Variants in ROBO2 observed in about 807,000 individuals in gnomAD.
The protein encoded by ROBO2 is roundabout homolog 2.
A neutral mutation model predicts 160.8 loss-of-function variants in ROBO2; 53 were observed. That is an observed-to-expected ratio of 0.33 (90% CI 0.26 to 0.41). The LOEUF (loss-of-function observed/expected upper bound fraction) is 0.41. Among genes scored for constraint, ROBO2 ranks in the 10% least tolerant of loss-of-function variants. ROBO2 has a pLI of 1.00. For missense variants in ROBO2, 1,577 were observed against 1,722.4 expected (o/e 0.92, Z 1.49); for synonymous variants, 664 against 611.7 (o/e 1.09, Z -1.26).
intron 2 of ROBO2, among the ~76,000 whole-genome samples, chr3:77,134,038 C>T (rs1355097390): frequency 1.3e-5 from 2 of 151,904 alleles, no homozygotes; most frequent in Non-Finnish European, 2.9e-5. Context: ...TAGCCAGGTG[C>T]GGTGGCACAT....
intron 2 of ROBO2, among the ~76,000 whole-genome samples, chr3:76,293,262 C>T (rs527876633): frequency 1.3e-5 from 2 of 152,176 alleles, no homozygotes; most frequent in South Asian, 4.1e-4. Context: ...GAAAGAATGC[C>T]CTTCTAAAGG....
At chr3:76,785,813 C>T (rs547829232) in intron 2 of ROBO2, among the ~76,000 whole-genome samples, 152 of 151,374 alleles carry the variant, frequency 1.0e-3, no homozygotes, top group African/African-American at 3.2e-3. Context: ...AAGTTAAATA[C>T]AGATGTATCA....
intron 2 of ROBO2, among the ~76,000 whole-genome samples, chr3:77,405,308 A>G (rs1485140043): frequency 1.3e-5 from 2 of 152,160 alleles, no homozygotes; most frequent in African/African-American, 4.8e-5. Context: ...AAATGTAGAG[A>G]ATATTCTTCT....
chr3:76,878,972 T>C (rs1320279316), intron 2 of ROBO2, among the ~76,000 whole-genome samples: 1 of 120,184 alleles, frequency 8.3e-6, no homozygotes, highest in Non-Finnish European at 2.0e-5. Flanking sequence ...AGAAAAAGAA[T>C]TAACATATTC....
chr3:76,460,290 C>T (rs1244485163), intron 2 of ROBO2, among the ~76,000 whole-genome samples: 1 of 151,814 alleles, frequency 6.6e-6, no homozygotes, highest in East Asian at 1.9e-4. Context: ...GAAAACATAT[C>T]AAGGTAAGCC....
In ROBO2 at chr3:77,258,324, TGAGA is replaced by T. The variant is rs569274291; in HGVS notation, c.388+159988_388+159991del. Among the ~76,000 whole-genome samples the T allele has an allele frequency of 2.6e-5, 4 of 152,300 alleles. No homozygotes were observed. In the South Asian group the frequency reaches 8.3e-4, roughly 32 times the overall value. On this transcript the variant is annotated intron_variant, in intron 2 of 25. Coordinates refer to ENST00000461745, the Ensembl canonical transcript of ROBO2. ...ATGAGAAAATATACTAAATAACCTG[TGAGA>T]GAGGGAAATATGAGTGCTATAAAAG...
At chr3:76,433,962 C>A in intron 2 of ROBO2, 1 of 758,284 alleles carries the variant, frequency 1.3e-6, no homozygotes, top group Non-Finnish European at 2.4e-6. Context: ...CCAATACAAT[C>A]TAGAAGAAAA....
At chr3:76,950,991 G>A (rs2078921298) in intron 2 of ROBO2, among the ~76,000 whole-genome samples, 1 of 152,192 alleles carries the variant, frequency 6.6e-6, no homozygotes, top group Non-Finnish European at 1.5e-5. Flanking sequence ...GCCTTTTAAA[G>A]TGCTGGAATT....
intron 2 of ROBO2, among the ~76,000 whole-genome samples, chr3:76,684,928 C>A (rs1461333075): frequency 7.3e-5 from 11 of 151,190 alleles, no homozygotes; most frequent in African/African-American, 2.2e-4. Context: ...AAACCCCAGG[C>A]AAAATTTTTG....
At chr3:76,382,389 C>T (rs1304869040) in intron 2 of ROBO2, among the ~76,000 whole-genome samples, 2 of 152,134 alleles carry the variant, frequency 1.3e-5, no homozygotes, top group Non-Finnish European at 2.9e-5. Context: ...GAGATCGAGA[C>T]CATCCTGGCT....
At chr3:76,077,512 A>C (rs2108003860) in intron 2 of ROBO2, among the ~76,000 whole-genome samples, 1 of 152,224 alleles carries the variant, frequency 6.6e-6, no homozygotes, top group East Asian at 1.9e-4. Context: ...GCAGTGAACC[A>C]AGATCGTGCC....
At chr3:76,593,942 A>G (rs2086581616) in intron 2 of ROBO2, among the ~76,000 whole-genome samples, 1 of 152,030 alleles carries the variant, frequency 6.6e-6, no homozygotes, top group South Asian at 2.1e-4. Context: ...TAAAAACATA[A>G]TTATTTACAT....
chr3:75,999,514 A>T (rs2065822184), intron 2 of ROBO2, among the ~76,000 whole-genome samples: 1 of 152,160 alleles, frequency 6.6e-6, no homozygotes, highest in Admixed American at 6.6e-5. Context: ...ATTTTTCCTT[A>T]GCCATAGGAG....
At chr3:76,358,002 T>C (rs967664160) in intron 2 of ROBO2, among the ~76,000 whole-genome samples, 2 of 151,762 alleles carry the variant, frequency 1.3e-5, no homozygotes, top group African/African-American at 4.8e-5. Flanking sequence ...TATAGTTTAT[T>C]TGCTTAATTT....
chr3:77,428,398 G>T (rs1397347908), intron 2 of ROBO2, among the ~76,000 whole-genome samples: 24 of 140,300 alleles, frequency 1.7e-4, no homozygotes, highest in Non-Finnish European at 3.2e-4. Flanking sequence ...ACCCAGGCCG[G>T]ACTGCGGACT....
chr3:76,485,323 C>G (rs1271681265), intron 2 of ROBO2, among the ~76,000 whole-genome samples: 1 of 151,966 alleles, frequency 6.6e-6, no homozygotes, highest in Non-Finnish European at 1.5e-5. Flanking sequence ...CTGGAATGCG[C>G]AGTCCACAAT....
intron 2 of ROBO2, among the ~76,000 whole-genome samples, chr3:76,206,122 T>TA (rs1397493165): frequency 2.0e-5 from 3 of 151,196 alleles, no homozygotes; most frequent in Non-Finnish European, 4.4e-5. Context: ...TCCCCACTCT[T>TA]AGAGAGCTGA....
intron 2 of ROBO2, among the ~76,000 whole-genome samples, chr3:76,396,953 C>A (rs2077493334): frequency 6.6e-6 from 1 of 152,112 alleles, no homozygotes. Context: ...TGACTTTCTT[C>A]ACAGAATTGG....
intron 2 of ROBO2, among the ~76,000 whole-genome samples, chr3:76,084,185 A>G (rs1165693914): frequency 6.6e-6 from 1 of 152,176 alleles, no homozygotes; most frequent in Non-Finnish European, 1.5e-5. Flanking sequence ...CCAAATATGT[A>G]GAAGAATGCA....
Sources: gnomAD v4.1 joint callset for allele counts (sites outside exome capture counted in the v4.1 genomes callset) on GRCh38, gnomAD v4.1.1 for gene constraint, MANE v1.5 for transcripts, NCBI Gene and HGNC (gene_info 2026-07-23, HGNC 2026-07-21) for gene names.